CDH4: variants seen among roughly 807,000 people sequenced by gnomAD.
The protein encoded by CDH4 is cadherin-4.
In CDH4, 33 loss-of-function variants were observed where a neutral mutation model predicts 86.0. The ratio of observed to expected loss-of-function variants is 0.38; its 90% CI spans 0.29 to 0.51. The LOEUF is 0.51. Ranked by LOEUF, CDH4 falls within the 20% of genes least tolerant of loss-of-function variation. CDH4 has a pLI of 0.86. For synonymous variants in CDH4, 555 were observed against 549.4 expected (o/e 1.01, Z -0.14); for missense variants, 1,114 against 1,307.4 (o/e 0.85, Z 2.28).
At chr20:61,330,070 C>T (rs1164109299) in intron 2 of CDH4, among the ~76,000 whole-genome samples, 1 of 152,110 alleles carries the variant, frequency 6.6e-6, no homozygotes, top group African/African-American at 2.4e-5. Flanking sequence ...ACCACATTTT[C>T]TTTATCCAGT....
At chr20:61,798,292 C>T (rs548964145) in intron 4 of CDH4, among the ~76,000 whole-genome samples, 53 of 152,306 alleles carry the variant, frequency 3.5e-4, no homozygotes, top group Middle Eastern at 3.4e-3. Context: ...CCGCCTCGCA[C>T]GCATCCCCGC....
At chr20:61,533,484 G>A (rs1389003896) in intron 2 of CDH4, among the ~76,000 whole-genome samples, 1 of 152,234 alleles carries the variant, frequency 6.6e-6, no homozygotes, top group Non-Finnish European at 1.5e-5. Context: ...AAAGACCCGC[G>A]TGGCCTGAGA....
At chr20:61,538,194 C>T (rs911939393) in intron 2 of CDH4, among the ~76,000 whole-genome samples, 3 of 152,164 alleles carry the variant, frequency 2.0e-5, no homozygotes, top group East Asian at 3.9e-4. Context: ...GGTGGGCACC[C>T]GTTTTCCATG....
intron 2 of CDH4, chr20:61,570,620 G>A: frequency 2.8e-6 from 2 of 702,054 alleles, no homozygotes; most frequent in Admixed American, 2.0e-5. Flanking sequence ...GTGTGTTTGG[G>A]AATGGGACAG....
intron 2 of CDH4, among the ~76,000 whole-genome samples, chr20:61,397,030 C>T (rs1323285610): frequency 6.6e-6 from 1 of 152,170 alleles, no homozygotes; most frequent in African/African-American, 2.4e-5. Flanking sequence ...CCCACCTCAG[C>T]CCCCGCAAGT....
chr20:61,620,555 A>C (rs1211537755), intron 2 of CDH4, among the ~76,000 whole-genome samples: 14 of 151,988 alleles, frequency 9.2e-5, no homozygotes, highest in Admixed American at 9.2e-4. Context: ...GCAGAGATAC[A>C]TGGAGAAATA....
chr20:61,698,573 T>C (rs1247877091), intron 2 of CDH4, among the ~76,000 whole-genome samples: 1 of 152,232 alleles, frequency 6.6e-6, no homozygotes, highest in Admixed American at 6.5e-5. Flanking sequence ...GGAAGGCACC[T>C]GAGCTGGGAC....
chr20:61,824,081 G>A (rs554453542), intron 4 of CDH4, among the ~76,000 whole-genome samples: 1 of 152,280 alleles, frequency 6.6e-6, no homozygotes, highest in African/African-American at 2.4e-5. Flanking sequence ...CAGATGTCTA[G>A]AGCAACAGGC....
chr20:61,594,348 G>C (rs1338117171), intron 2 of CDH4, among the ~76,000 whole-genome samples: 3 of 152,076 alleles, frequency 2.0e-5, no homozygotes, highest in Admixed American at 2.0e-4. Flanking sequence ...AGACAGGCCA[G>C]ACACTGTTGC....
chr20:61,407,374 G>T (rs950016620), intron 2 of CDH4, among the ~76,000 whole-genome samples: 1 of 152,168 alleles, frequency 6.6e-6, no homozygotes, highest in African/African-American at 2.4e-5. Flanking sequence ...AGCGGTTGAT[G>T]CCACCTTCAC....
chr20:61,440,609 G>A (rs1354724618), intron 2 of CDH4, among the ~76,000 whole-genome samples: 2 of 152,180 alleles, frequency 1.3e-5, no homozygotes, highest in African/African-American at 4.8e-5. Flanking sequence ...TTTCAACCCT[G>A]GTTTTCAGTG....
At chr20:61,706,679 C>G (rs1452222556) in intron 2 of CDH4, among the ~76,000 whole-genome samples, 1 of 152,132 alleles carries the variant, frequency 6.6e-6, no homozygotes, top group Non-Finnish European at 1.5e-5. Context: ...GGCACCGACT[C>G]CCTGATCCCC....
chr20:61,922,385 C>T (rs1178880868), intron 9 of CDH4, among the ~76,000 whole-genome samples: 4 of 152,158 alleles, frequency 2.6e-5, no homozygotes, highest in East Asian at 1.9e-4. Context: ...ACTGCAGAAC[C>T]GTAGCTCTAG....
intron 2 of CDH4, among the ~76,000 whole-genome samples, chr20:61,637,734 A>C (rs1449115841): frequency 2.0e-5 from 3 of 152,230 alleles, no homozygotes; most frequent in Non-Finnish European, 4.4e-5. Context: ...ATGACATGAA[A>C]ATATGGCCGG....
chr20:61,878,164 T>A (rs970427700), intron 7 of CDH4, among the ~76,000 whole-genome samples: 1 of 152,110 alleles, frequency 6.6e-6, no homozygotes, highest in African/African-American at 2.4e-5. Context: ...CCAGCCACGA[T>A]CAAAACAAGA....
chr20:61,821,204 C>G (rs1601022738), intron 4 of CDH4, among the ~76,000 whole-genome samples: 1 of 139,824 alleles, frequency 7.2e-6, no homozygotes, highest in African/African-American at 2.7e-5. Context: ...GCTCCAGTCC[C>G]CTCACTCCCC....
chr20:61,722,580 AAAAC>A (rs1368687104), intron 2 of CDH4, among the ~76,000 whole-genome samples: 1 of 152,190 alleles, frequency 6.6e-6, no homozygotes, highest in Admixed American at 6.5e-5. Flanking sequence ...TGGAAGCAGA[AAAAC>A]AAGCCTCTTC....
chr20:61,425,309 C>A (rs117553264), intron 2 of CDH4, among the ~76,000 whole-genome samples: 7,643 of 152,196 alleles, frequency 0.05, 225 homozygotes, highest in Middle Eastern at 0.085. Flanking sequence ...AGCAGTGGCA[C>A]CCTGAACCTG....
intron 2 of CDH4, chr20:61,570,625 G>C: frequency 1.4e-6 from 1 of 702,172 alleles, no homozygotes; most frequent in Non-Finnish European, 2.6e-6. Flanking sequence ...TTTGGGAATG[G>C]GACAGACAAT....
Sources: allele counts gnomAD v4.1 joint callset (sites outside exome capture counted in the v4.1 genomes callset), GRCh38; gene constraint gnomAD v4.1.1; transcripts MANE v1.5; gene names NCBI Gene and HGNC (gene_info 2026-07-23, HGNC 2026-07-21).